PKHD1: variants seen among roughly 807,000 people sequenced by gnomAD.
The protein encoded by PKHD1 is PKHD1 ciliary IPT domain containing fibrocystin/polyductin, also known as fibrocystin.
In PKHD1, 291 loss-of-function variants were observed where a neutral mutation model predicts 412.0. That is an observed-to-expected ratio of 0.71 (90% CI 0.64 to 0.78). The LOEUF (loss-of-function observed/expected upper bound fraction) is 0.78. Among genes scored for constraint, PKHD1 ranks in the 30% least tolerant of loss-of-function variants. The pLI is 0.00. For synonymous variants in PKHD1, 1,777 were observed against 1,821.5 expected (o/e 0.98, Z 0.62); for missense variants, 4,825 against 4,950.7 (o/e 0.97, Z 0.76).
intron 45 of PKHD1, 145 bp downstream of exon 45, chr6:51,885,722 A>T: frequency 1.4e-6 from 1 of 700,354 alleles, no homozygotes; most frequent in Non-Finnish European, 2.6e-6. Flanking sequence ...TTGGTGCTTT[A>T]AAATTGTGAC....
rs761832437 is a variant in PKHD1 at position 52,073,460 on chromosome 6, T to C, written c.527+3A>G. The C allele has an allele frequency of 6.3e-7, 1 of 1,579,010 alleles. No homozygotes were observed. The highest frequency in any genetic ancestry group is 8.7e-7 in the Non-Finnish European group (1 of 1,148,220). On this transcript the variant is annotated splice_donor_region_variant and intron_variant, in intron 7 of 66. Coordinates refer to ENST00000371117, the MANE Select transcript of PKHD1 (RefSeq NM_138694.4). ...TTAAACACAAAAACAAACACACACT[T>C]ACCTATCAATGTACTCAGCATCAAA...
intron 57 of PKHD1, among the ~76,000 whole-genome samples, chr6:51,748,986 G>A (rs952867571): frequency 2.0e-5 from 3 of 152,116 alleles, no homozygotes; most frequent in East Asian, 1.9e-4. Context: ...GTCGGGGGCC[G>A]GGTCAAAGAA....
chr6:51,790,384 T>C (rs1793556791), intron 53 of PKHD1, among the ~76,000 whole-genome samples: 1 of 152,158 alleles, frequency 6.6e-6, no homozygotes, highest in Non-Finnish European at 1.5e-5. Context: ...ATCTGGTTAA[T>C]ACACTACCCT....
chr6:51,989,958 A>AGG (rs1232625163), intron 35 of PKHD1, among the ~76,000 whole-genome samples: 19 of 55,350 alleles, frequency 3.4e-4, no homozygotes, highest in African/African-American at 1.4e-3. Flanking sequence ...AAAGGAAGGA[A>AGG]AGAAGGAAGG....
In PKHD1 at chr6:51,775,909, T is replaced by C. The variant is rs1204658118; in HGVS notation, c.8453A>G (p.Asn2818Ser). The change falls in exon 54 of 67, where the codon AAT (asparagine) becomes AGT (serine). Residue 2818 changes from asparagine (N) to serine (S), a missense_variant. Coordinates refer to ENST00000371117, the MANE Select transcript of PKHD1 (RefSeq NM_138694.4). Reference sequence around the variant, plus strand: ...AAGCTTTTGTTCCTTTTCTAAGGGATTTTCTAAAGTACCTGTTTACAAAGA... The same window carrying C: ...AAGCTTTTGTTCCTTTTCTAAGGGACTTTCTAAAGTACCTGTTTACAAAGA... ...GGELKVGTLE[N>S]PLEKEQKLLI... 12 of 1,496,196 alleles carry C rather than the reference T, an allele frequency of 8.0e-6. No homozygotes were observed. Among genetic ancestry groups the C allele is most frequent in the Non-Finnish European group, 1.1e-5 (12 of 1,074,064 alleles). The allele number at this position is 1,496,196 out of a possible 1,614,324, so 92.7% of individuals were successfully genotyped here. A position where few individuals can be genotyped will look rare whatever the true frequency, so the allele number is the denominator to read the frequency against.
At chr6:52,026,280 G>A (rs1324931879) in intron 31 of PKHD1, 99 bp from the exon 32 acceptor site, 5 of 1,154,086 alleles carry the variant, frequency 4.3e-6, no homozygotes, top group Non-Finnish European at 6.5e-6. Context: ...GTGGAAGGTA[G>A]GGCATGTGTT....
intron 35 of PKHD1, among the ~76,000 whole-genome samples, chr6:51,963,133 T>A (rs1792321610): frequency 6.6e-6 from 1 of 152,094 alleles, no homozygotes; most frequent in African/African-American, 2.4e-5. Context: ...TTAAAAATGC[T>A]ATATCCCCTA....
chr6:51,988,706 A>G (rs1796506312), intron 35 of PKHD1, among the ~76,000 whole-genome samples: 2 of 152,186 alleles, frequency 1.3e-5, no homozygotes, highest in Admixed American at 6.5e-5. Flanking sequence ...TTTAAAACTC[A>G]AAAACCTTGC....
At position 51,912,583 on chromosome 6, in the gene PKHD1, C is replaced by T; in HGVS notation, c.6122-7G>A. Reference sequence around the variant, plus strand: ...ATTACTTCTGGTAGTGAACCTAAAGCAGCCCGAGGAAAAGTTGTCCAGATA... The same window carrying T: ...ATTACTTCTGGTAGTGAACCTAAAGTAGCCCGAGGAAAAGTTGTCCAGATA... On this transcript the variant is annotated splice_region_variant and splice_polypyrimidine_tract_variant and intron_variant, in intron 37 of 66. Transcript: ENST00000371117. 1.3e-6 allele frequency: 2 copies of T among 1,596,770 alleles called. No homozygotes were observed. The highest frequency in any genetic ancestry group is 1.7e-6 in the Non-Finnish European group (2 of 1,164,612).
intron 37 of PKHD1, among the ~76,000 whole-genome samples, chr6:51,929,412 A>T (rs527937406): frequency 6.6e-6 from 1 of 152,334 alleles, no homozygotes; most frequent in South Asian, 2.1e-4. Context: ...TATATAACAG[A>T]TAAAAGCAAT....
chr6:51,731,804 G>T (rs1333030551), intron 60 of PKHD1, among the ~76,000 whole-genome samples: 2 of 152,084 alleles, frequency 1.3e-5, no homozygotes, highest in Non-Finnish European at 2.9e-5. Flanking sequence ...TTTGAAATGT[G>T]ACTAGTGCAC....
intron 52 of PKHD1, among the ~76,000 whole-genome samples, chr6:51,806,739 TC>T (rs779881047): frequency 6.6e-6 from 1 of 151,900 alleles, no homozygotes; most frequent in Admixed American, 6.6e-5. Flanking sequence ...TATGGAGCAT[TC>T]AAAAATGTGT....
intron 13 of PKHD1, among the ~76,000 whole-genome samples, chr6:52,064,030 G>A (rs1259232915): frequency 6.6e-6 from 1 of 152,226 alleles, no homozygotes; most frequent in Non-Finnish European, 1.5e-5. Context: ...TCCTTGGATG[G>A]AAGCTTTCCC....
Position 51,748,218 on chromosome 6 carries a change from T to C in PKHD1, c.9398A>G (p.Tyr3133Cys), listed in dbSNP as rs753143710. The C allele has an allele frequency of 3.7e-6, 6 of 1,614,066 alleles. No individual in the cohort carries two copies. Among genetic ancestry groups the C allele is most frequent in the Non-Finnish European group, 4.2e-6 (5 of 1,179,946 alleles). ...ACAGTTGTCAAGTCCACTTTCCTTA[T>C]AGAGATGAAGGCCATGAAGACTTGA... is the stretch of plus-strand genomic sequence containing the variant. ...AHSSLHGLHL[Y>C]KESGLDNCTR... Residue 3133 changes from tyrosine (Y) to cysteine (C), a missense_variant, in exon 58 of 67, where the codon TAT (tyrosine) becomes TGT (cysteine). Coordinates refer to ENST00000371117, the MANE Select transcript of PKHD1 (RefSeq NM_138694.4).
chr6:52,046,044 G>A lies in PKHD1; in HGVS notation c.2552C>T (p.Ser851Phe). Residue 851 changes from serine to phenylalanine, a missense_variant, in exon 24 of 67, where the codon TCC becomes TTC. Coordinates refer to ENST00000371117, the MANE Select transcript of PKHD1 (RefSeq NM_138694.4). Reference sequence around the variant, plus strand: ...CAAATCCCCAATCTGAGTGGACCAGGACAAGGTCCACACGTGTTCGTAGCA... The same window carrying A: ...CAAATCCCCAATCTGAGTGGACCAGAACAAGGTCCACACGTGTTCGTAGCA... ...YTCYEHVWTLSWSTQIGDLPN... is the reference protein window; with the variant it reads ...YTCYEHVWTLFWSTQIGDLPN... The A allele has an allele frequency of 6.2e-7, 1 of 1,613,712 alleles. No homozygotes were observed.
At chr6:52,059,803 T>C in intron 15 of PKHD1, 125 bp downstream of exon 15, 2 of 688,280 alleles carry the variant, frequency 2.9e-6, no homozygotes, top group Non-Finnish European at 2.7e-6. Flanking sequence ...ACAATTAAAG[T>C]TCCTGATCAT....
chr6:51,629,135 A>G (rs1034705106), intron 65 of PKHD1, among the ~76,000 whole-genome samples: 2 of 152,114 alleles, frequency 1.3e-5, no homozygotes, highest in African/African-American at 4.8e-5. Flanking sequence ...AAGAAATACC[A>G]ATCTGGACAT....
intron 47 of PKHD1, among the ~76,000 whole-genome samples, chr6:51,869,994 G>A (rs1323285016): frequency 1.3e-5 from 2 of 152,034 alleles, no homozygotes; most frequent in Non-Finnish European, 2.9e-5. Flanking sequence ...TCTGAGATGT[G>A]GTTAAAAAGT....
At chr6:52,073,964 T>C (rs1811006580) in intron 6 of PKHD1, among the ~76,000 whole-genome samples, 1 of 152,170 alleles carries the variant, frequency 6.6e-6, no homozygotes. Flanking sequence ...CATGAGACTT[T>C]CCTCTGGGCA....
Sources: gnomAD v4.1 joint callset for allele counts (sites outside exome capture counted in the v4.1 genomes callset) on GRCh38, gnomAD v4.1.1 for gene constraint, MANE v1.5 for transcripts, NCBI Gene and HGNC (gene_info 2026-07-23, HGNC 2026-07-21) for gene names.